Variants in CSMD1 observed in about 807,000 individuals in gnomAD.
CSMD1 encodes the protein CUB and Sushi multiple domains 1.
In CSMD1, 213 loss-of-function variants were observed where a neutral mutation model predicts 417.5. The observed-to-expected ratio is 0.51, with a 90% CI of 0.46 to 0.57. CSMD1 has a LOEUF of 0.57. Ranked by LOEUF, CSMD1 falls within the 20% of genes least tolerant of loss-of-function variation. CSMD1 has a pLI of 0.00. For missense variants in CSMD1, 6,923 were observed against 4,529.7 expected (o/e 1.53, Z -15.17); for synonymous variants, 2,862 against 1,736.8 (o/e 1.65, Z -16.11).
At chr8:3,592,740 C>G (rs907430541) in intron 8 of CSMD1, among the ~76,000 whole-genome samples, 1 of 152,046 alleles carries the variant, frequency 6.6e-6, no homozygotes, top group Non-Finnish European at 1.5e-5. Flanking sequence ...TTTCTTCCCC[C>G]TGTATTTTAC....
chr8:3,878,309 A>C (rs1296210686), intron 5 of CSMD1, among the ~76,000 whole-genome samples: 2 of 152,170 alleles, frequency 1.3e-5, no homozygotes, highest in East Asian at 3.8e-4. Context: ...CCAGTGTATA[A>C]TATTCTCTAC....
intron 2 of CSMD1, among the ~76,000 whole-genome samples, chr8:4,592,955 T>C (rs2130737696): frequency 6.6e-6 from 1 of 152,352 alleles, no homozygotes; most frequent in Non-Finnish European, 1.5e-5. Flanking sequence ...TGCTGTAGTT[T>C]TCTTTCTATA....
At chr8:4,513,445 A>C (rs1264322857) in intron 2 of CSMD1, among the ~76,000 whole-genome samples, 1 of 152,214 alleles carries the variant, frequency 6.6e-6, no homozygotes. Flanking sequence ...AAAGCATGTT[A>C]AAAGTAGATC....
chr8:2,988,862 C>T (rs1303112596), intron 54 of CSMD1, among the ~76,000 whole-genome samples: 3 of 152,076 alleles, frequency 2.0e-5, no homozygotes, highest in Non-Finnish European at 4.4e-5. Context: ...AAGCAGGCTA[C>T]CCAGGGTGAG....
At chr8:4,137,940 C>G (rs1803532845) in intron 3 of CSMD1, among the ~76,000 whole-genome samples, 1 of 151,526 alleles carries the variant, frequency 6.6e-6, no homozygotes, top group Non-Finnish European at 1.5e-5. Context: ...TGCAGTGGCG[C>G]AATCTCGGCT....
At chr8:3,708,300 G>C (rs1801293537) in intron 7 of CSMD1, 114 bp downstream of exon 7, 1 of 782,614 alleles carries the variant, frequency 1.3e-6, no homozygotes, top group African/African-American at 1.7e-5. Context: ...ATATAGAAAA[G>C]AAGGAAGAGA....
At chr8:4,846,809 G>T (rs929194875) in intron 1 of CSMD1, among the ~76,000 whole-genome samples, 3 of 152,104 alleles carry the variant, frequency 2.0e-5, no homozygotes, top group African/African-American at 4.8e-5. Flanking sequence ...AAATGTGTTT[G>T]CAAAACTATA....
intron 18 of CSMD1, among the ~76,000 whole-genome samples, chr8:3,378,623 C>G (rs1309189672): frequency 6.6e-6 from 1 of 152,132 alleles, no homozygotes; most frequent in African/African-American, 2.4e-5. Flanking sequence ...TAATCCATCA[C>G]TTAAACAGAA....
chr8:3,633,290 T>C (rs1796872933), intron 7 of CSMD1, among the ~76,000 whole-genome samples: 1 of 152,186 alleles, frequency 6.6e-6, no homozygotes, highest in African/African-American at 2.4e-5. Flanking sequence ...ATGTGGAAAA[T>C]GCATACTCAG....
intron 25 of CSMD1, among the ~76,000 whole-genome samples, chr8:3,285,602 T>C (rs1315355523): frequency 4.6e-5 from 7 of 152,140 alleles, no homozygotes; most frequent in African/African-American, 1.7e-4. Context: ...TTTCACCAAG[T>C]TGACCAGGCT....
chr8:4,698,477 T>A (rs976971665), intron 1 of CSMD1, among the ~76,000 whole-genome samples: 1 of 152,158 alleles, frequency 6.6e-6, no homozygotes, highest in Non-Finnish European at 1.5e-5. Flanking sequence ...ATAAGGCAGT[T>A]GGGATAGAAA....
chr8:3,374,613 C>T (rs1446638330), intron 18 of CSMD1, among the ~76,000 whole-genome samples: 1 of 152,164 alleles, frequency 6.6e-6, no homozygotes, highest in Non-Finnish European at 1.5e-5. Context: ...TGGCAAATGT[C>T]CACTCCCAGG....
intron 25 of CSMD1, among the ~76,000 whole-genome samples, chr8:3,287,533 G>T (rs1352293726): frequency 3.9e-5 from 6 of 152,056 alleles, no homozygotes; most frequent in Non-Finnish European, 8.8e-5. Context: ...TTGTAAGTTG[G>T]ATTCCTAGGT....
chr8:4,776,470 A>C (rs1796857382), intron 1 of CSMD1, among the ~76,000 whole-genome samples: 1 of 152,156 alleles, frequency 6.6e-6, no homozygotes, highest in Admixed American at 6.6e-5. Flanking sequence ...GGCTCAGAGA[A>C]CAAGAAGCAG....
chr8:3,259,978 A>G (rs1334938477), intron 26 of CSMD1, among the ~76,000 whole-genome samples: 1 of 152,342 alleles, frequency 6.6e-6, no homozygotes, highest in African/African-American at 2.4e-5. Context: ...CCTGCCTTGG[A>G]GACCACAGGA....
chr8:3,959,688 G>C (rs1449664594), intron 5 of CSMD1, among the ~76,000 whole-genome samples: 13 of 152,260 alleles, frequency 8.5e-5, no homozygotes, highest in Non-Finnish European at 1.5e-4. Flanking sequence ...CAGCAGGTAA[G>C]TTTCTTTATA....
At chr8:3,788,753 G>A (rs912740220) in intron 5 of CSMD1, among the ~76,000 whole-genome samples, 17 of 152,258 alleles carry the variant, frequency 1.1e-4, no homozygotes, top group South Asian at 6.2e-4. Flanking sequence ...CCATGCAGTT[G>A]TTCCATTTCT....
At chr8:4,074,448 G>C (rs902980205) in intron 3 of CSMD1, among the ~76,000 whole-genome samples, 1 of 152,126 alleles carries the variant, frequency 6.6e-6, no homozygotes, top group African/African-American at 2.4e-5. Context: ...TACTTTCAGA[G>C]AAGCATTTGT....
At chr8:4,974,844 A>AAGCAT (rs956250068) in intron 1 of CSMD1, among the ~76,000 whole-genome samples, 58 of 152,342 alleles carry the variant, frequency 3.8e-4, no homozygotes, top group African/African-American at 1.3e-3. Context: ...GATGTATGTT[A>AAGCAT]TTAAGCATTA....
Sources: gnomAD v4.1 joint callset for allele counts (sites outside exome capture counted in the v4.1 genomes callset) on GRCh38, gnomAD v4.1.1 for gene constraint, MANE v1.5 for transcripts, NCBI Gene and HGNC (gene_info 2026-07-23, HGNC 2026-07-21) for gene names.